SH3BP4: variants seen among roughly 807,000 people sequenced by gnomAD.
The protein encoded by SH3BP4 is SH3 domain-binding protein 4.
In SH3BP4, 33 loss-of-function variants were observed where a neutral mutation model predicts 65.5. That is an observed-to-expected ratio of 0.50 (90% confidence interval 0.38 to 0.67). The LOEUF (loss-of-function observed/expected upper bound fraction) is 0.67, where lower values mean the gene tolerates loss of function less well. Ranked by LOEUF, SH3BP4 falls within the 30% of genes least tolerant of loss-of-function variation. The pLI is 0.00. For synonymous variants in SH3BP4, 552 were observed against 545.5 expected, an observed-to-expected ratio of 1.01 and a Z score of -0.17; for missense variants, 1,134 against 1,261.4, an observed-to-expected ratio of 0.90 and a Z score of 1.53.
intron 4 of SH3BP4, among the ~76,000 whole-genome samples, chr2:235,050,102 C>G (rs1338886661): frequency 6.6e-6 from 1 of 152,068 alleles, no homozygotes; most frequent in African/African-American, 2.4e-5. Flanking sequence ...ACAGCAAGCC[C>G]TGGGTTTCTT....
At position 234,991,491 on chromosome 2, in the gene SH3BP4, A is replaced by G. The variant is rs1190277791; in HGVS notation, c.-206-3812A>G. Reference sequence around the variant, plus strand: ...GGTTTTTGGAGATTTGCCCCAAATCATGGTTAATGACAACACTGATGTTTC... The same window carrying G: ...GGTTTTTGGAGATTTGCCCCAAATCGTGGTTAATGACAACACTGATGTTTC... On this transcript the variant is annotated intron_variant, in intron 1 of 5. Coordinates refer to ENST00000392011, the MANE Select transcript of SH3BP4 (RefSeq NM_014521.3). The surrounding 1 kb of genome is among the most constrained non-coding windows in gnomAD (Gnocchi z 4.2). 6.6e-6 allele frequency among the ~76,000 whole-genome samples: 1 copy of G among 152,226 alleles called. No individual in the cohort carries two copies. Among genetic ancestry groups the G allele is most frequent in the Non-Finnish European group, 1.5e-5 (1 of 68,040 alleles).
intron 1 of SH3BP4, among the ~76,000 whole-genome samples, chr2:234,984,013 G>A (rs939518499): frequency 2.0e-5 from 3 of 152,232 alleles, no homozygotes; most frequent in Admixed American, 2.0e-4. Flanking sequence ...GGGTTCTGCG[G>A]CTTTGAGGGA....
chr2:235,029,731 T>G (rs1313604152), intron 2 of SH3BP4, among the ~76,000 whole-genome samples: 2 of 152,236 alleles, frequency 1.3e-5, no homozygotes, highest in Non-Finnish European at 2.9e-5. Context: ...ATTGTGCCTT[T>G]TACTCCTTTT....
intron 2 of SH3BP4, among the ~76,000 whole-genome samples, chr2:234,996,361 A>G (rs952705414): frequency 6.6e-6 from 1 of 152,136 alleles, no homozygotes; most frequent in Non-Finnish European, 1.5e-5. Flanking sequence ...ATTTTATTTC[A>G]ACTTCTCCCC....
Position 234,967,446 on chromosome 2 carries a change from C to T in SH3BP4, c.-207+15276C>T, listed in dbSNP as rs541114705. Among the ~76,000 whole-genome samples the T allele has an allele frequency of 3.8e-4, 58 of 152,200 alleles. No homozygotes were observed. Among genetic ancestry groups the T allele is most frequent in the African/African-American group, 4.8e-4 (20 of 41,518 alleles). On this transcript the variant is annotated intron_variant, in intron 1 of 5. Coordinates refer to ENST00000392011, the MANE Select transcript of SH3BP4 (RefSeq NM_014521.3). This position sits in a 1 kb window ranked among gnomAD's most constrained non-coding sequence, Gnocchi z 4.6. ...CTAACACCAAGAGGGTGTGGAGCTG[C>T]GGTCTCACCACTACACCCTGACACG...
chr2:234,985,562 C>T (rs1693523460), intron 1 of SH3BP4, among the ~76,000 whole-genome samples: 1 of 152,156 alleles, frequency 6.6e-6, no homozygotes. Flanking sequence ...TGTTTTTGAC[C>T]TTCTGTGTGC....
chr2:235,043,035 G>A lies in SH3BP4; in HGVS notation c.2266G>A (p.Ala756Thr). The change falls in exon 4 of 6, where the codon GCC becomes ACC. Residue 756 changes from alanine (A) to threonine (T), a missense_variant. Transcript: ENST00000392011. ...CTGCAAATTCCTCACGTACATCTAT[G>A]CCTCCGTGAGGACCCTGCTCATGGA... Reference protein sequence around the residue: ...RPCKFLTYIYASVRTLLMENI... With the variant: ...RPCKFLTYIYTSVRTLLMENI... 1.2e-6 allele frequency: 2 copies of A among 1,610,808 alleles called. No individual in the cohort carries two copies. The highest frequency in any genetic ancestry group is 1.7e-6 in the Non-Finnish European group (2 of 1,177,652).
intron 3 of SH3BP4, among the ~76,000 whole-genome samples, chr2:235,038,375 A>AG (rs1559254624): frequency 2.5e-5 from 1 of 40,032 alleles, no homozygotes; most frequent in African/African-American, 1.1e-4. Flanking sequence ...TAATATATAT[A>AG]CATATATATA....
Position 235,054,164 on chromosome 2 carries a change from G to T in SH3BP4, c.*348G>T, listed in dbSNP as rs958158309. 4 of 231,428 alleles carry T rather than the reference G, an allele frequency of 1.7e-5. No individual in the cohort carries two copies. The highest frequency in any genetic ancestry group is 2.6e-5 in the Non-Finnish European group (3 of 116,632). 14.3% of individuals were successfully genotyped at this position (231,428 alleles called of 1,614,324 possible). A position where few individuals can be genotyped will look rare whatever the true frequency, so the allele number is the denominator to read the frequency against. On this transcript the variant is annotated 3_prime_UTR_variant, in exon 6 of 6. Coordinates refer to ENST00000392011, the MANE Select transcript of SH3BP4 (RefSeq NM_014521.3). Reference sequence around the variant, plus strand: ...TTAAAAGAAAATAGGGGCACAGGCTGTTGAGGTTTTTATGTTGTTATAGAC... The same window carrying T: ...TTAAAAGAAAATAGGGGCACAGGCTTTTGAGGTTTTTATGTTGTTATAGAC...
chr2:235,002,625 C>T (rs937383484), intron 2 of SH3BP4, among the ~76,000 whole-genome samples: 1 of 152,192 alleles, frequency 6.6e-6, no homozygotes, highest in African/African-American at 2.4e-5. Flanking sequence ...ACTCAGGAGG[C>T]TGAGGTGGGA....
In SH3BP4 at chr2:235,013,734, G is replaced by A. The variant is rs149779844; in HGVS notation, c.-133+18358G>A. 1.1e-3 allele frequency among the ~76,000 whole-genome samples: 165 copies of A among 152,212 alleles called. 1 individual carries two copies. Among genetic ancestry groups the A allele is most frequent in the African/African-American group, 3.0e-3 (125 of 41,528 alleles). ...CCCCCCATTTTCTAATGGTTTGAGC[G>A]CATTCCTAGTTAATTGCAATGTTCA... is the stretch of plus-strand genomic sequence containing the variant. On this transcript the variant is annotated intron_variant, in intron 2 of 5. Coordinates refer to ENST00000392011, the MANE Select transcript of SH3BP4 (RefSeq NM_014521.3).
intron 2 of SH3BP4, among the ~76,000 whole-genome samples, chr2:235,014,373 G>A (rs962234654): frequency 6.6e-6 from 1 of 152,210 alleles, no homozygotes; most frequent in African/African-American, 2.4e-5. Flanking sequence ...CATTGTGTTA[G>A]ATGTTGGAGG....
In SH3BP4 at chr2:235,043,145, TAGTG is replaced by T. The variant is rs1174541422; in HGVS notation, c.2379_2382del (p.Glu794ProfsTer8). ...CCTTTTTCTGCCGGGCAGAGCTGGA[TAGTG>T]AGCCCGAGCGGGTGGCGTCCGTCCT... On this transcript the variant is annotated frameshift_variant, in exon 4 of 6. Coordinates refer to ENST00000392011, the MANE Select transcript of SH3BP4 (RefSeq NM_014521.3). LOFTEE classifies it high-confidence loss of function. The T allele has an allele frequency of 6.2e-7, 1 of 1,613,242 alleles. No individual in the cohort carries two copies. The highest frequency in any genetic ancestry group is 1.7e-5 in the Admixed American group (1 of 60,002).
chr2:235,008,941 C>T (rs570035417), intron 2 of SH3BP4, among the ~76,000 whole-genome samples: 9 of 152,278 alleles, frequency 5.9e-5, no homozygotes, highest in African/African-American at 1.7e-4. Flanking sequence ...AGCACAACAC[C>T]GGGGTTCCAG....
At chr2:235,038,349 T>TATATA (rs1559254445) in intron 3 of SH3BP4, among the ~76,000 whole-genome samples, 1,858 of 12,038 alleles carry the variant, frequency 0.15, 214 homozygotes, top group South Asian at 0.44. Flanking sequence ...GTATATATAT[T>TATATA]TTATATATAT....
At position 235,041,478 on chromosome 2, in the gene SH3BP4, C is replaced by T. The variant is rs1695642425; in HGVS notation, c.709C>T (p.Pro237Ser). The change falls in exon 4 of 6, where the codon CCC becomes TCC. Residue 237 changes from proline (P) to serine (S), a missense_variant. Physicochemically the swap from Pro to Ser is moderately conservative, Grantham distance 74. Coordinates refer to ENST00000392011, the MANE Select transcript of SH3BP4 (RefSeq NM_014521.3). The surrounding 1 kb of genome is among the most constrained non-coding windows in gnomAD (Gnocchi z 6.0). ...HAEPPVRRDNPFFRSKRSYSL... is the reference protein window; with the variant it reads ...HAEPPVRRDNSFFRSKRSYSL... Reference sequence around the variant, plus strand: ...AGAGCCGCCGGTCAGGCGGGACAACCCCTTCTTCAGAAGCAAGCGCTCCTA... The same window carrying T: ...AGAGCCGCCGGTCAGGCGGGACAACTCCTTCTTCAGAAGCAAGCGCTCCTA... The T allele has an allele frequency of 2.5e-6, 4 of 1,614,208 alleles. No individual in the cohort carries two copies. Among genetic ancestry groups the T allele is most frequent in the Admixed American group, 1.7e-5 (1 of 60,036 alleles).
chr2:235,006,667 C>A (rs1433188459), intron 2 of SH3BP4, among the ~76,000 whole-genome samples: 1 of 152,172 alleles, frequency 6.6e-6, no homozygotes, highest in African/African-American at 2.4e-5. Flanking sequence ...GGCCAGCACC[C>A]CTTGGGCTCT....
chr2:234,981,557 T>G (rs1693384745), intron 1 of SH3BP4: 1 of 152,154 alleles, frequency 6.6e-6, no homozygotes, highest in South Asian at 2.1e-4. Context: ...CCCAGCGTGT[T>G]TAGAAGGAAT....
rs776230691 is a variant in SH3BP4 at position 235,041,025 on chromosome 2, G to GACACAT, written c.257_262dup (p.Thr87_Ser88insTyrThr). On this transcript the variant is annotated inframe_insertion, in exon 4 of 6. Coordinates refer to ENST00000392011, the MANE Select transcript of SH3BP4 (RefSeq NM_014521.3). This position sits in a 1 kb window ranked among gnomAD's most constrained non-coding sequence, Gnocchi z 6.0. ...CAAGGGCGACCATCTCTACGTCTTG[G>GACACAT]ACACATCTGGCGGTGAGTGGTGGTA... The GACACAT allele has an allele frequency of 3.7e-6, 6 of 1,614,072 alleles. No individual in the cohort carries two copies. The highest frequency in any genetic ancestry group is 5.1e-6 in the Non-Finnish European group (6 of 1,180,050).
Sources: gnomAD v4.1 joint callset for allele counts (sites outside exome capture counted in the v4.1 genomes callset) on GRCh38, gnomAD v4.1.1 for gene constraint, Gnocchi (gnomAD v3.1) non-coding constraint, MANE v1.5 for transcripts, NCBI Gene and HGNC (gene_info 2026-07-23, HGNC 2026-07-21) for gene names.